The following EFHB variants were observed in gnomAD, a reference collection of about 807,000 sequenced individuals.
EFHB encodes EF-hand domain family member B.
EFHB carries 91 observed loss-of-function variants against 87.2 expected under a neutral mutation model. That is an observed-to-expected ratio of 1.04 (90% confidence interval 0.88 to 1.24). The LOEUF (loss-of-function observed/expected upper bound fraction) is 1.24. Ranked by LOEUF, EFHB falls within the 50% of genes most tolerant of loss-of-function variation. The pLI, the probability that EFHB is intolerant of heterozygous loss-of-function variation, is 0.00. For missense variants in EFHB, 1,084 were observed against 998.8 expected, an observed-to-expected ratio of 1.09 and a Z score of -1.15; for synonymous variants, 325 against 333.6, an observed-to-expected ratio of 0.97 and a Z score of 0.28.
chr3:19,934,463 C>G (rs537229748), upstream of EFHB, among the ~76,000 whole-genome samples: 35 of 147,022 alleles, frequency 2.4e-4, no homozygotes, highest in South Asian at 1.5e-3. Context: ...CTCTGTGTGT[C>G]TCTCTCTCTT....
chr3:19,887,382 C>CAAAAA (rs532733257), intron 10 of EFHB, among the ~76,000 whole-genome samples: 2 of 95,486 alleles, frequency 2.1e-5, no homozygotes, highest in African/African-American at 6.8e-5. Context: ...AAGACCCTAT[C>CAAAAA]AAAAAAAAAA....
At chr3:19,945,978 T>G (rs941040526) in intron 1 of EFHB, 3 of 152,130 alleles carry the variant, frequency 2.0e-5, no homozygotes, top group Non-Finnish European at 2.9e-5. Flanking sequence ...ATTCTTCCAC[T>G]AAATTATCAA....
intron 11 of EFHB, among the ~76,000 whole-genome samples, chr3:19,883,424 A>G (rs895471009): frequency 3.9e-5 from 6 of 152,258 alleles, no homozygotes; most frequent in African/African-American, 1.4e-4. Context: ...GCATGTCTAT[A>G]AAAATCCAGT....
chr3:19,904,058 A>G (rs1694758227), intron 6 of EFHB, among the ~76,000 whole-genome samples: 1 of 152,242 alleles, frequency 6.6e-6, no homozygotes, highest in Non-Finnish European at 1.5e-5. Flanking sequence ...GAGACAAAAT[A>G]GGCAAGAGTG....
chr3:19,907,045 T>TG (rs1553631826), intron 5 of EFHB, among the ~76,000 whole-genome samples: 4 of 140,526 alleles, frequency 2.8e-5, no homozygotes, highest in Non-Finnish European at 3.1e-5. Flanking sequence ...AAAAATAGAT[T>TG]AAAAAAAAAA....
In EFHB at chr3:19,918,846, G is replaced by C. The variant is rs551393989; in HGVS notation, c.997-434C>G. Among the ~76,000 whole-genome samples the C allele has an allele frequency of 1.5e-4, 23 of 151,422 alleles. No homozygotes were observed. In the East Asian group the frequency reaches 4.1e-3, roughly 27 times the overall value. Reference sequence around the variant, plus strand: ...AAAAAAAAAATTAGCCGGGTGTGCTGGCACACGCCTGTAGTCCCAGCTACT... The same window carrying C: ...AAAAAAAAAATTAGCCGGGTGTGCTCGCACACGCCTGTAGTCCCAGCTACT... On this transcript the variant is annotated intron_variant, in intron 3 of 12. Transcript: ENST00000295824.
intron 9 of EFHB, chr3:19,894,821 T>C (rs903996037): frequency 9.2e-5 from 14 of 151,836 alleles, no homozygotes; most frequent in African/African-American, 3.4e-4. Flanking sequence ...ACCCCGTCTC[T>C]ACTAAAAATA....
In EFHB at chr3:19,879,520, G is replaced by A; in HGVS notation, c.*111C>T. The A allele has an allele frequency of 1.6e-6, 2 of 1,212,314 alleles. No individual in the cohort carries two copies. Among genetic ancestry groups the A allele is most frequent in the East Asian group, 2.5e-5 (1 of 40,376 alleles). 75.1% of individuals were successfully genotyped at this position (1,212,314 alleles called of 1,614,324 possible). On this transcript the variant is annotated 3_prime_UTR_variant, in exon 13 of 13. Coordinates refer to ENST00000295824, the MANE Select transcript of EFHB (RefSeq NM_144715.4). ...ATTAGCAACACATACAGGCATATGA[G>A]TCTTACCACTGTGAACTCTAACATA...
At chr3:19,921,006 A>G (rs761353468) in intron 1 of EFHB, among the ~76,000 whole-genome samples, 13 of 152,134 alleles carry the variant, frequency 8.5e-5, no homozygotes, top group Non-Finnish European at 1.9e-4. Flanking sequence ...TGATCACATC[A>G]CTGTACTCCA....
chr3:19,920,000 T>C, intron 2 of EFHB, 24 bp from the exon 3 acceptor site: 1 of 1,612,454 alleles, frequency 6.2e-7, no homozygotes, highest in South Asian at 1.1e-5. Flanking sequence ...GGCAAGAAAA[T>C]AGTATTAAGT....
chr3:19,899,867 G>A (rs1360712810), intron 6 of EFHB, among the ~76,000 whole-genome samples: 2 of 152,002 alleles, frequency 1.3e-5, no homozygotes, highest in Non-Finnish European at 2.9e-5. Context: ...GAGCTCAGGA[G>A]TTTGAGACTA....
chr3:19,919,982 AAG>A lies in EFHB; in HGVS notation c.853-8_853-7del. On this transcript the variant is annotated splice_polypyrimidine_tract_variant and splice_region_variant and intron_variant, in intron 2 of 12. Coordinates refer to ENST00000295824, the MANE Select transcript of EFHB (RefSeq NM_144715.4). The stretch of plus-strand genomic sequence containing the variant: ...GCTTCAGGTGGAGTAATTAGCTACA[AAG>A]AGTGAGGCAAGAAAATAGTATTAAG... 2 of 1,613,560 alleles carry A rather than the reference AAG, an allele frequency of 1.2e-6. No individual in the cohort carries two copies. The highest frequency in any genetic ancestry group is 1.7e-6 in the Non-Finnish European group (2 of 1,179,674).
At chr3:19,890,462 C>T (rs1048084582) in intron 9 of EFHB, among the ~76,000 whole-genome samples, 2 of 152,032 alleles carry the variant, frequency 1.3e-5, no homozygotes, top group African/African-American at 4.8e-5. Context: ...GAAGGATGTC[C>T]GAATTCAGTT....
At chr3:19,929,610 G>A (rs1695756709) in intron 1 of EFHB, among the ~76,000 whole-genome samples, 1 of 150,654 alleles carries the variant, frequency 6.6e-6, no homozygotes, top group South Asian at 2.1e-4. Flanking sequence ...TCAGGAGGCT[G>A]AGGCAGGAGA....
intron 9 of EFHB, chr3:19,894,780 AG>A (rs1694417782): frequency 6.6e-6 from 1 of 152,032 alleles, no homozygotes; most frequent in Non-Finnish European, 1.5e-5. Flanking sequence ...TGAGGTCAGG[AG>A]TTCAAGACCA....
At chr3:19,931,517 AAAG>A (rs1695831432) in intron 1 of EFHB, among the ~76,000 whole-genome samples, 2 of 152,198 alleles carry the variant, frequency 1.3e-5, no homozygotes, top group Admixed American at 1.3e-4. Flanking sequence ...AGTGTGAGAC[AAAG>A]AAGAAAAGAA....
At chr3:19,912,239 A>C (rs1394077719) in intron 5 of EFHB, among the ~76,000 whole-genome samples, 1 of 152,212 alleles carries the variant, frequency 6.6e-6, no homozygotes, top group Non-Finnish European at 1.5e-5. Flanking sequence ...GCTTCAATAA[A>C]TCTGGCAGTA....
At chr3:19,929,488 G>C (rs183604161) in intron 1 of EFHB, among the ~76,000 whole-genome samples, 1,698 of 151,862 alleles carry the variant, frequency 0.011, 27 homozygotes, top group African/African-American at 0.039. Context: ...GGTGTATCAC[G>C]AGGTCAGGAG....
intron 10 of EFHB, among the ~76,000 whole-genome samples, chr3:19,887,888 G>A (rs986549247): frequency 2.6e-5 from 4 of 152,158 alleles, no homozygotes; most frequent in East Asian, 1.9e-4. Context: ...TCAGATAATC[G>A]TTTTTAAACA....
Sources: gnomAD v4.1 joint callset for allele counts (sites outside exome capture counted in the v4.1 genomes callset) on GRCh38, gnomAD v4.1.1 for gene constraint, MANE v1.5 for transcripts, NCBI Gene and HGNC (gene_info 2026-07-23, HGNC 2026-07-21) for gene names.